The following NEK1 variants were observed in gnomAD, a reference collection of about 807,000 sequenced individuals.
NEK1 encodes NIMA related kinase 1, also known as serine/threonine-protein kinase Nek1.
In NEK1, 137 loss-of-function variants were observed where a neutral mutation model predicts 182.1. The observed-to-expected ratio is 0.75, with a 90% CI of 0.65 to 0.87. NEK1 has a LOEUF of 0.87. Among genes scored for constraint, NEK1 ranks in the 40% least tolerant of loss-of-function variants. The pLI is 0.00. For missense variants in NEK1, 1,391 were observed against 1,494.4 expected (o/e 0.93, Z 1.14); for synonymous variants, 513 against 492.2 (o/e 1.04, Z -0.56).
chr4:169,522,774 T>C (rs1057296646), intron 19 of NEK1, among the ~76,000 whole-genome samples: 1 of 152,204 alleles, frequency 6.6e-6, no homozygotes, highest in African/African-American at 2.4e-5. Flanking sequence ...CTTGAATCAC[T>C]CATCAGGTCC....
intron 12 of NEK1, among the ~76,000 whole-genome samples, chr4:169,574,459 T>C (rs1046745256): frequency 6.7e-6 from 1 of 148,278 alleles, no homozygotes; most frequent in African/African-American, 2.6e-5. Flanking sequence ...ATTAGCTGGG[T>C]GTGGTGGCGG....
At position 169,439,945 on chromosome 4, in the gene NEK1, C is replaced by G. The variant is rs1257529091; in HGVS notation, c.2588-1686G>C. On this transcript the variant is annotated intron_variant, in intron 27 of 35. Transcript: ENST00000507142. ...CACTGCAACCTCCACCTCCCGGGTT[C>G]AAGCAATTCTCCTGCCTCAGCCTCC... Among the ~76,000 whole-genome samples the G allele has an allele frequency of 2.0e-5, 3 of 148,802 alleles. No homozygotes were observed. The Admixed American group carries it at 2.0e-4, about 10-fold the overall frequency.
At position 169,490,871 on chromosome 4, in the gene NEK1, T is replaced by C. The variant is rs551824043; in HGVS notation, c.2008-11337A>G. 7.9e-5 allele frequency among the ~76,000 whole-genome samples: 12 copies of C among 152,122 alleles called. No homozygotes were observed. In the East Asian group the frequency reaches 1.6e-3, roughly 20 times the overall value. ...GAAAGAGAAGAGATGAGGCCGGGCATGGTGGCTCACGCCTGTAATCCCAGC... is the reference window on the plus strand; with the variant it reads ...GAAAGAGAAGAGATGAGGCCGGGCACGGTGGCTCACGCCTGTAATCCCAGC... On this transcript the variant is annotated intron_variant, in intron 23 of 35. Transcript: ENST00000507142.
In NEK1 at chr4:169,612,138, G is replaced by C. The variant is rs1292616790; in HGVS notation, c.-167C>G. ...AGGTACCATCCCGCATTTTGAAAATGACATCCTGAAAGAGAAACCAAGACT... is the reference window on the plus strand; with the variant it reads ...AGGTACCATCCCGCATTTTGAAAATCACATCCTGAAAGAGAAACCAAGACT... On this transcript the variant is annotated 5_prime_UTR_variant, in exon 2 of 36. The change creates a premature stop within an existing upstream ORF in the 5' untranslated region. Transcript: ENST00000507142. 6.6e-6 allele frequency: 1 copy of C among 152,388 alleles called. No individual in the cohort carries two copies. Among genetic ancestry groups the C allele is most frequent in the Non-Finnish European group, 1.5e-5 (1 of 68,192 alleles). The allele number at this position is 152,388 out of a possible 1,614,324, so 9.4% of individuals were successfully genotyped here.
chr4:169,408,961 G>C (rs1733135122), intron 31 of NEK1, among the ~76,000 whole-genome samples: 1 of 152,000 alleles, frequency 6.6e-6, no homozygotes, highest in Admixed American at 6.6e-5. Flanking sequence ...TTCATATAAT[G>C]ACTTCTTTTC....
chr4:169,483,428 A>C (rs1748459095), intron 23 of NEK1, among the ~76,000 whole-genome samples: 1 of 152,236 alleles, frequency 6.6e-6, no homozygotes, highest in Admixed American at 6.5e-5. Flanking sequence ...GGTTGCCACA[A>C]ACCTTCAATT....
intron 35 of NEK1, among the ~76,000 whole-genome samples, chr4:169,395,355 A>G (rs1265668009): frequency 1.3e-5 from 2 of 152,142 alleles, no homozygotes; most frequent in Non-Finnish European, 2.9e-5. Context: ...TCATCTTACC[A>G]AATTTCATTC....
At chr4:169,494,917 T>C (rs1561290915) in intron 23 of NEK1, among the ~76,000 whole-genome samples, 2 of 152,364 alleles carry the variant, frequency 1.3e-5, no homozygotes. Context: ...CGTCTGTTCA[T>C]ATCCTTCGCC....
intron 31 of NEK1, among the ~76,000 whole-genome samples, chr4:169,419,181 G>A (rs566762623): frequency 8.5e-5 from 13 of 152,050 alleles, no homozygotes; most frequent in African/African-American, 3.1e-4. Flanking sequence ...TGTAAAAGAA[G>A]CCAGAGAGAA....
chr4:169,518,338 G>GA (rs1315510056), intron 19 of NEK1, among the ~76,000 whole-genome samples: 2 of 101,762 alleles, frequency 2.0e-5, no homozygotes, highest in Admixed American at 9.5e-5. Context: ...ATTTCTGTGG[G>GA]ATCGGTGGTG....
intron 27 of NEK1, among the ~76,000 whole-genome samples, chr4:169,450,444 C>T (rs1741491715): frequency 6.6e-6 from 1 of 152,230 alleles, no homozygotes; most frequent in East Asian, 1.9e-4. Flanking sequence ...GTCGAGTTAC[C>T]CACAAAGGGA....
intron 5 of NEK1, among the ~76,000 whole-genome samples, chr4:169,594,311 T>C (rs1244797427): frequency 2.6e-5 from 4 of 152,328 alleles, no homozygotes; most frequent in African/African-American, 9.6e-5. Context: ...TCCCAAAGTA[T>C]GCTCAGTTTT....
intron 35 of NEK1, among the ~76,000 whole-genome samples, chr4:169,399,449 C>T (rs768961019): frequency 1.4e-4 from 22 of 151,820 alleles, no homozygotes; most frequent in Non-Finnish European, 3.2e-4. Flanking sequence ...TGGTGGCGCA[C>T]GCCTATAATC....
intron 19 of NEK1, among the ~76,000 whole-genome samples, chr4:169,510,940 T>C (rs1754069186): frequency 2.0e-5 from 3 of 152,144 alleles, no homozygotes; most frequent in Non-Finnish European, 2.9e-5. Flanking sequence ...TGACCTTCCA[T>C]ACCATTTCTT....
intron 23 of NEK1, among the ~76,000 whole-genome samples, chr4:169,498,654 TCACTTATGAAGCTTAGTTTGG>T (rs1751828967): frequency 6.6e-6 from 1 of 152,186 alleles, no homozygotes; most frequent in Admixed American, 6.5e-5. Context: ...TATTTCTCCT[TCACTTATGAAGCTTAGTTTGG>T]CTGGATATGA....
At chr4:169,511,728 T>A (rs1400724264) in intron 19 of NEK1, among the ~76,000 whole-genome samples, 1 of 152,148 alleles carries the variant, frequency 6.6e-6, no homozygotes, top group African/African-American at 2.4e-5. Flanking sequence ...TCCACCCTAA[T>A]CAAGATGCTT....
At position 169,394,179 on chromosome 4, in the gene NEK1, T is replaced by G. The variant is rs1415416196; in HGVS notation, c.*331A>C. The G allele has an allele frequency of 4.9e-6, 1 of 204,416 alleles. No homozygotes were observed. Among genetic ancestry groups the G allele is most frequent in the Non-Finnish European group, 9.7e-6 (1 of 103,086 alleles). The allele number at this position is 204,416 out of a possible 1,614,324, so 12.7% of individuals were successfully genotyped here. A position where few individuals can be genotyped will look rare whatever the true frequency, so the allele number is the denominator to read the frequency against. ...ATTCCTTCAACCTAAAGACATTTGCTGAAACTCAAAGTTACCCTATTGCAT... is the reference window on the plus strand; with the variant it reads ...ATTCCTTCAACCTAAAGACATTTGCGGAAACTCAAAGTTACCCTATTGCAT... On this transcript the variant is annotated 3_prime_UTR_variant, in exon 36 of 36. Coordinates refer to ENST00000507142, the MANE Select transcript of NEK1 (RefSeq NM_001199397.3).
chr4:169,515,651 C>G (rs938204805), intron 19 of NEK1, among the ~76,000 whole-genome samples: 4 of 105,330 alleles, frequency 3.8e-5, no homozygotes, highest in Non-Finnish European at 5.8e-5. Flanking sequence ...ATCCCTCCCC[C>G]CTCCCCCGAC....
rs1745757981 is a variant in NEK1, at chr4:169,470,506, G to GT, written c.2434+6617dup. 2.0e-5 allele frequency among the ~76,000 whole-genome samples: 3 copies of GT among 152,256 alleles called. No individual in the cohort carries two copies. The South Asian group carries it at 6.2e-4, about 32-fold the overall frequency. On this transcript the variant is annotated intron_variant, in intron 26 of 35. Transcript: ENST00000507142. ...GAGATCTGCTGTTAGTTCAATGGGC[G>GT]TCCCTTTGGGGGTAATCCAACCTTT...
Sources: allele counts gnomAD v4.1 joint callset (sites outside exome capture counted in the v4.1 genomes callset), GRCh38; gene constraint gnomAD v4.1.1; transcripts MANE v1.5; gene names NCBI Gene and HGNC (gene_info 2026-07-23, HGNC 2026-07-21).